The following MAP2 variants were observed in gnomAD, a reference collection of about 807,000 sequenced individuals.
The protein encoded by MAP2 is microtubule associated protein 2, also known as microtubule-associated protein 2.
A neutral mutation model predicts 137.6 loss-of-function variants in MAP2; 14 were observed. The observed-to-expected ratio is 0.10, with a 90% CI of 0.07 to 0.16. MAP2 has a LOEUF of 0.16. Among genes scored for constraint, MAP2 ranks in the 10% least tolerant of loss-of-function variants. The probability of loss-of-function intolerance (pLI) is 1.00; values close to 1 mark genes in which losing one functional copy is unlikely to be tolerated. For synonymous variants in MAP2, 786 were observed against 782.3 expected, an observed-to-expected ratio of 1.00 and a Z score of -0.08; for missense variants, 2,088 against 2,191.5, an observed-to-expected ratio of 0.95 and a Z score of 0.94.
At chr2:209,544,776 T>C (rs113068180) in intron 2 of MAP2, among the ~76,000 whole-genome samples, 4,117 of 152,282 alleles carry the variant, frequency 0.027, 192 homozygotes, top group African/African-American at 0.094. Context: ...TAATGTGATA[T>C]AAATCTGTAA....
chr2:209,677,865 C>G (rs1033703091), intron 5 of MAP2, among the ~76,000 whole-genome samples: 1 of 151,984 alleles, frequency 6.6e-6, no homozygotes, highest in African/African-American at 2.4e-5. Context: ...AAGAGACCAT[C>G]TGACATATCA....
At chr2:209,430,444 G>A (rs1693953397) in intron 1 of MAP2, among the ~76,000 whole-genome samples, 1 of 151,896 alleles carries the variant, frequency 6.6e-6, no homozygotes, top group East Asian at 1.9e-4. Context: ...TTTCATTGGT[G>A]AAATCAATTA....
At chr2:209,706,369 T>A (rs1205950373) in intron 12 of MAP2, among the ~76,000 whole-genome samples, 1 of 152,164 alleles carries the variant, frequency 6.6e-6, no homozygotes, top group Non-Finnish European at 1.5e-5. Flanking sequence ...TATTTTTCTG[T>A]TGCAACCAAA....
In MAP2 at chr2:209,559,043, C is replaced by A. The variant is rs183037047; in HGVS notation, c.-171-20993C>A. On this transcript the variant is annotated intron_variant, in intron 2 of 15. Coordinates refer to ENST00000682079, the MANE Select transcript of MAP2 (RefSeq NM_001375505.1). ...CCCACATTCTTTCACCCAGCAGTTT[C>A]AGCATACATCAGTGATTCTTACCTG... 2.0e-4 allele frequency among the ~76,000 whole-genome samples: 31 copies of A among 152,220 alleles called. No homozygotes were observed. The East Asian group carries it at 5.4e-3, about 27-fold the overall frequency.
chr2:209,443,110 T>C (rs1698216113), intron 1 of MAP2, among the ~76,000 whole-genome samples: 1 of 151,610 alleles, frequency 6.6e-6, no homozygotes, highest in Non-Finnish European at 1.5e-5. Context: ...AAGCATGCTA[T>C]CTCTTCAATC....
intron 2 of MAP2, among the ~76,000 whole-genome samples, chr2:209,538,569 CTG>C (rs2066369260): frequency 1.5e-5 from 2 of 136,170 alleles, no homozygotes; most frequent in African/African-American, 5.6e-5. Context: ...GTGTATGACT[CTG>C]GGTATAAATA....
At chr2:209,614,035 A>C (rs2088052977) in intron 3 of MAP2, among the ~76,000 whole-genome samples, 1 of 152,138 alleles carries the variant, frequency 6.6e-6, no homozygotes, top group Middle Eastern at 3.2e-3. Flanking sequence ...TTAAGTGGCT[A>C]CTAGGAGCTT....
At chr2:209,555,466 G>A (rs1559314561) in intron 2 of MAP2, among the ~76,000 whole-genome samples, 2 of 152,042 alleles carry the variant, frequency 1.3e-5, no homozygotes, top group South Asian at 2.1e-4. Context: ...GGAAAGACCC[G>A]GATGGGACTG....
intron 1 of MAP2, among the ~76,000 whole-genome samples, chr2:209,486,600 G>A (rs1347856633): frequency 6.6e-6 from 1 of 152,130 alleles, no homozygotes; most frequent in Non-Finnish European, 1.5e-5. Flanking sequence ...TTCTATTTAG[G>A]TGTTCAGCAC....
chr2:209,662,607 T>A (rs2044177596), intron 5 of MAP2, among the ~76,000 whole-genome samples: 2 of 152,164 alleles, frequency 1.3e-5, no homozygotes, highest in South Asian at 4.1e-4. Context: ...CATCATATTT[T>A]TCTTTTAATG....
intron 1 of MAP2, among the ~76,000 whole-genome samples, chr2:209,438,020 G>A (rs987372155): frequency 3.3e-5 from 5 of 151,558 alleles, no homozygotes; most frequent in African/African-American, 1.2e-4. Flanking sequence ...TTATTGCCTA[G>A]GTGCAATTGC....
In MAP2 at chr2:209,508,572, ACTCT is replaced by A; in HGVS notation, c.-172+936_-172+939del. 2.8e-5 allele frequency among the ~76,000 whole-genome samples: 3 copies of A among 106,252 alleles called. No homozygotes were observed. In the Admixed American group the frequency reaches 3.4e-4, roughly 12 times the overall value. 69.7% of individuals were successfully genotyped at this position (106,252 alleles called of 152,430 possible). ...TATAAGCACACAGACACACAGACACACTCTCTCTGTCCCACACACACACACACAC... is the reference window on the plus strand; with the variant it reads ...TATAAGCACACAGACACACAGACACACTCTGTCCCACACACACACACACAC... On this transcript the variant is annotated intron_variant, in intron 2 of 15. Transcript: ENST00000682079.
Position 209,694,398 on chromosome 2 carries a change from A to G in MAP2, c.2228A>G (p.Asp743Gly), listed in dbSNP as rs1343023702. The G allele has an allele frequency of 6.2e-7, 1 of 1,614,080 alleles. No homozygotes were observed. Among genetic ancestry groups the G allele is most frequent in the East Asian group, 2.2e-5 (1 of 44,874 alleles). The change falls in exon 8 of 16, where the codon GAT (aspartate) becomes GGT (glycine). Residue 743 changes from aspartate to glycine, a missense_variant. Asp to Gly is a moderately conservative substitution (Grantham distance 94). Around this residue, in one of 6 missense-constraint regions of MAP2, gnomAD observed 500 missense variants for 482.9 expected, o/e 1.04. Coordinates refer to ENST00000682079, the MANE Select transcript of MAP2 (RefSeq NM_001375505.1). ...ACTAGTGGAAGTATGGATGAAGGGG[A>G]TGATTACCTTCCAGCCACCACACCT... ...TNTSGSMDEGDDYLPATTPAL... is the reference protein window; with the variant it reads ...TNTSGSMDEGGDYLPATTPAL...
intron 2 of MAP2, among the ~76,000 whole-genome samples, chr2:209,509,612 TAG>T (rs1323613571): frequency 6.6e-6 from 1 of 151,972 alleles, no homozygotes; most frequent in African/African-American, 2.4e-5. Flanking sequence ...ATTAACTCAC[TAG>T]AAACAGCCAA....
At chr2:209,485,882 A>G (rs1351124078) in intron 1 of MAP2, among the ~76,000 whole-genome samples, 1 of 152,200 alleles carries the variant, frequency 6.6e-6, no homozygotes, top group East Asian at 1.9e-4. Context: ...TCCCTTCTGA[A>G]AGGGCAGAAG....
At chr2:209,604,268 ACC>A (rs1477518810) in intron 3 of MAP2, among the ~76,000 whole-genome samples, 1 of 152,160 alleles carries the variant, frequency 6.6e-6, no homozygotes, top group African/African-American at 2.4e-5. Context: ...CGTACCCAGT[ACC>A]CTTGAAACAA....
At chr2:209,560,335 A>G (rs2071719334) in intron 2 of MAP2, among the ~76,000 whole-genome samples, 2 of 152,198 alleles carry the variant, frequency 1.3e-5, no homozygotes, top group African/African-American at 2.4e-5. Flanking sequence ...CTTTTCTTAC[A>G]TTTATTTAGT....
At chr2:209,669,775 A>C (rs1486101756) in intron 5 of MAP2, among the ~76,000 whole-genome samples, 1 of 151,808 alleles carries the variant, frequency 6.6e-6, no homozygotes. Context: ...TAACATGTGC[A>C]TACACACACA....
intron 5 of MAP2, among the ~76,000 whole-genome samples, chr2:209,659,107 T>G (rs554493526): frequency 1.3e-5 from 2 of 152,218 alleles, no homozygotes; most frequent in Non-Finnish European, 2.9e-5. Context: ...GTGAACACAG[T>G]GTTCAGGAAT....
Sources: allele counts gnomAD v4.1 joint callset (sites outside exome capture counted in the v4.1 genomes callset), GRCh38; gene constraint gnomAD v4.1.1; regional missense constraint gnomAD v4.1.1; transcripts MANE v1.5; gene names NCBI Gene and HGNC (gene_info 2026-07-23, HGNC 2026-07-21).